RPS6KA5: variants seen among roughly 807,000 people sequenced by gnomAD.
RPS6KA5 encodes ribosomal protein S6 kinase A5.
A neutral mutation model predicts 85.5 loss-of-function variants in RPS6KA5; 27 were observed. That is an observed-to-expected ratio of 0.32 (90% CI 0.23 to 0.44). The LOEUF (loss-of-function observed/expected upper bound fraction) is 0.44. RPS6KA5 is among the 20% of genes least tolerant of loss of function. The probability of loss-of-function intolerance (pLI) is 1.00; values close to 1 mark genes in which losing one functional copy is unlikely to be tolerated. For missense variants in RPS6KA5, 811 were observed against 980.9 expected (o/e 0.83, Z 2.31); for synonymous variants, 334 against 348.2 (o/e 0.96, Z 0.46).
intron 1 of RPS6KA5, among the ~76,000 whole-genome samples, chr14:91,053,921 T>G (rs531354348): frequency 2.5e-4 from 38 of 152,304 alleles, no homozygotes; most frequent in African/African-American, 8.9e-4. Context: ...AGACTCACAC[T>G]TCTCAATTTC....
At chr14:91,011,432 G>A (rs978974285) in intron 1 of RPS6KA5, among the ~76,000 whole-genome samples, 3 of 152,054 alleles carry the variant, frequency 2.0e-5, no homozygotes, top group Admixed American at 1.3e-4. Flanking sequence ...GTTGCACTGA[G>A]CTGAGATCGC....
At chr14:90,924,245 A>G (rs909519886) in intron 5 of RPS6KA5, among the ~76,000 whole-genome samples, 1 of 152,068 alleles carries the variant, frequency 6.6e-6, no homozygotes, top group Non-Finnish European at 1.5e-5. Context: ...CTAAACCTAT[A>G]TTTGCTTCCT....
intron 2 of RPS6KA5, among the ~76,000 whole-genome samples, chr14:90,995,447 C>T (rs557630605): frequency 6.6e-6 from 1 of 152,300 alleles, no homozygotes; most frequent in East Asian, 1.9e-4. Flanking sequence ...CTCTATCTCC[C>T]TTTGCAGGCT....
At chr14:91,006,532 A>C (rs1402860971) in intron 1 of RPS6KA5, among the ~76,000 whole-genome samples, 4 of 152,144 alleles carry the variant, frequency 2.6e-5, no homozygotes, top group Non-Finnish European at 1.5e-5. Context: ...TTCCCTATGC[A>C]AGGACACAAG....
At chr14:90,937,635 G>A (rs751136470) in intron 5 of RPS6KA5, among the ~76,000 whole-genome samples, 4 of 152,108 alleles carry the variant, frequency 2.6e-5, no homozygotes, top group Non-Finnish European at 4.4e-5. Context: ...ACAGTTCCAC[G>A]TGGCTGGGGA....
intron 12 of RPS6KA5, among the ~76,000 whole-genome samples, chr14:90,896,008 A>G (rs1431232252): frequency 1.3e-5 from 2 of 152,238 alleles, no homozygotes; most frequent in African/African-American, 4.8e-5. Flanking sequence ...ATCACTTCAC[A>G]AACAAAATGT....
chr14:90,951,118 C>CAAAAA (rs57389099), intron 3 of RPS6KA5, among the ~76,000 whole-genome samples: 1 of 84,556 alleles, frequency 1.2e-5, no homozygotes, highest in Admixed American at 1.4e-4. Context: ...GACTCAGTCT[C>CAAAAA]AAAAAAAAAA....
rs752292382 is a variant in RPS6KA5 at position 90,875,307 on chromosome 14, C to T, written c.1890G>A (p.Thr630=). Residue 630 remains threonine, a synonymous_variant, in exon 15 of 17, where the codon ACG becomes ACA. Coordinates refer to ENST00000614987, the MANE Select transcript of RPS6KA5 (RefSeq NM_004755.4). ...VPFQSHDRSL[T]CTSAVEIMKK... is the part of the protein sequence containing the mutation. ...TCATGATTTCCACCGCGCTGGTACACGTCAAACTTCGGTCATGAGATTGGA... is the reference window on the plus strand; with the variant it reads ...TCATGATTTCCACCGCGCTGGTACATGTCAAACTTCGGTCATGAGATTGGA... 4.3e-6 allele frequency: 7 copies of T among 1,613,814 alleles called. No homozygotes were observed. Among genetic ancestry groups the T allele is most frequent in the African/African-American group, 2.7e-5 (2 of 74,908 alleles).
chr14:90,922,225 C>A (rs750243901), intron 6 of RPS6KA5, among the ~76,000 whole-genome samples: 1 of 152,148 alleles, frequency 6.6e-6, no homozygotes, highest in African/African-American at 2.4e-5. Flanking sequence ...TCATTGACCT[C>A]TTAGTGACAG....
At chr14:90,903,036 A>C in intron 8 of RPS6KA5, 67 bp from the exon 9 acceptor site, 1 of 1,389,120 alleles carries the variant, frequency 7.2e-7, no homozygotes, top group Non-Finnish European at 1.0e-6. Context: ...AGAATAACAA[A>C]GATAAATTAG....
At position 90,865,104 on chromosome 14, in the gene RPS6KA5, G is replaced by A. The variant is rs1039154901; in HGVS notation, c.*6970C>T. ...AGGGTCTCACTCTATCGCCCAGGAT[G>A]GAATGTAGTGGTGCGATCAAGGCTC... On this transcript the variant is annotated 3_prime_UTR_variant, in exon 17 of 17. Transcript: ENST00000614987. 6.6e-6 allele frequency: 1 copy of A among 152,132 alleles called. No homozygotes were observed. The highest frequency in any genetic ancestry group is 1.5e-5 in the Non-Finnish European group (1 of 68,026). 9.4% of individuals were successfully genotyped at this position (152,132 alleles called of 1,614,324 possible).
intron 7 of RPS6KA5, among the ~76,000 whole-genome samples, chr14:90,910,972 A>T (rs776152116): frequency 2.0e-5 from 3 of 152,184 alleles, no homozygotes; most frequent in Non-Finnish European, 4.4e-5. Context: ...GGCGTGAGCC[A>T]CTGTGCCTGG....
intron 13 of RPS6KA5, among the ~76,000 whole-genome samples, 197 bp from the exon 14 acceptor site, chr14:90,890,875 C>A (rs1040070093): frequency 6.6e-6 from 1 of 152,072 alleles, no homozygotes; most frequent in Non-Finnish European, 1.5e-5. Flanking sequence ...TTTACCATGT[C>A]ATGTGAAACA....
rs1595077947 is a variant in RPS6KA5, at chr14:90,857,014, C to G, written c.*15060G>C. The G allele has an allele frequency of 6.6e-6, 1 of 152,412 alleles. No homozygotes were observed. The highest frequency in any genetic ancestry group is 1.9e-4 in the East Asian group (1 of 5,210). The allele number at this position is 152,412 out of a possible 1,614,324, so 9.4% of individuals were successfully genotyped here. ...TCGAGAATACCAAGCCACAGGTGCT[C>G]AAGATGGCGAATCTGTCCTCCCAGT... is the stretch of plus-strand genomic sequence containing the variant. On this transcript the variant is annotated 3_prime_UTR_variant, in exon 17 of 17. Coordinates refer to ENST00000614987, the MANE Select transcript of RPS6KA5 (RefSeq NM_004755.4).
intron 3 of RPS6KA5, among the ~76,000 whole-genome samples, chr14:90,960,268 G>C (rs772310457): frequency 1.3e-5 from 2 of 152,032 alleles, no homozygotes; most frequent in Non-Finnish European, 2.9e-5. Flanking sequence ...ACTCTGTTAG[G>C]ATAGGGCTCG....
intron 1 of RPS6KA5, among the ~76,000 whole-genome samples, chr14:91,047,724 AG>A (rs1462650460): frequency 6.6e-6 from 1 of 152,198 alleles, no homozygotes; most frequent in African/African-American, 2.4e-5. Context: ...GGAGATCAAA[AG>A]TCTGAAACTG....
intron 3 of RPS6KA5, among the ~76,000 whole-genome samples, chr14:90,961,086 A>T (rs1052377320): frequency 2.0e-5 from 3 of 152,194 alleles, no homozygotes; most frequent in Admixed American, 2.0e-4. Flanking sequence ...CCTCCTTAAA[A>T]GTTTGTATCT....
At chr14:91,014,869 T>G (rs1433020261) in intron 1 of RPS6KA5, among the ~76,000 whole-genome samples, 1 of 152,218 alleles carries the variant, frequency 6.6e-6, no homozygotes, top group Non-Finnish European at 1.5e-5. Flanking sequence ...TAGTTTATAT[T>G]TGATGACCAT....
At chr14:90,983,817 G>C (rs140500275) in intron 2 of RPS6KA5, among the ~76,000 whole-genome samples, 28,071 of 109,930 alleles carry the variant, frequency 0.26, 3,566 homozygotes, top group East Asian at 0.32. Flanking sequence ...CTCTCTCTCT[G>C]TCTCTCTCTC....
Sources: allele counts gnomAD v4.1 joint callset (sites outside exome capture counted in the v4.1 genomes callset), GRCh38; gene constraint gnomAD v4.1.1; transcripts MANE v1.5; gene names NCBI Gene and HGNC (gene_info 2026-07-23, HGNC 2026-07-21).